BCAS3: variants seen among roughly 807,000 people sequenced by gnomAD.
BCAS3 encodes BCAS3 microtubule associated cell migration factor.
A neutral mutation model predicts 116.1 loss-of-function variants in BCAS3; 53 were observed. That is an observed-to-expected ratio of 0.46 (90% CI 0.37 to 0.57). The LOEUF is 0.57. BCAS3 is among the 20% of genes least tolerant of loss of function. BCAS3 has a pLI of 0.00. For synonymous variants in BCAS3, 391 were observed against 408.2 expected (o/e 0.96, Z 0.51); for missense variants, 917 against 1,165.4 (o/e 0.79, Z 3.10).
rs1457446409 is a variant in BCAS3, at chr17:61,012,341, T to A, written c.1487-3410T>A. Among the ~76,000 whole-genome samples the A allele has an allele frequency of 6.6e-6, 1 of 152,066 alleles. No individual in the cohort carries two copies. Among genetic ancestry groups the A allele is most frequent in the African/African-American group, 2.4e-5 (1 of 41,440 alleles). ...TATGCATCTTTGTTAATGTCTTCTT[T>A]TTCAGTGTCAGTCTTTAAATCTTTG... On this transcript the variant is annotated intron_variant, in intron 15 of 23. Transcript: ENST00000407086. This position sits in a 1 kb window ranked among gnomAD's most constrained non-coding sequence, Gnocchi z 4.5.
At chr17:60,741,197 A>G (rs890203340) in intron 5 of BCAS3, among the ~76,000 whole-genome samples, 1 of 152,042 alleles carries the variant, frequency 6.6e-6, no homozygotes, top group African/African-American at 2.4e-5. Flanking sequence ...AGTTTGCTCT[A>G]TGACGTCATT....
chr17:60,969,683 G>A (rs542494335), intron 14 of BCAS3, among the ~76,000 whole-genome samples: 2 of 152,222 alleles, frequency 1.3e-5, no homozygotes, highest in South Asian at 4.1e-4. Context: ...AAAAAGATAA[G>A]CAAACAACAC....
chr17:60,919,708 A>T (rs2058974080), intron 12 of BCAS3, among the ~76,000 whole-genome samples: 1 of 151,520 alleles, frequency 6.6e-6, no homozygotes, highest in African/African-American at 2.4e-5. Flanking sequence ...AGGTATTTTT[A>T]AATTGGTAAT....
chr17:60,980,816 A>G (rs1486876536), intron 14 of BCAS3, among the ~76,000 whole-genome samples: 1 of 152,056 alleles, frequency 6.6e-6, no homozygotes, highest in Non-Finnish European at 1.5e-5. Flanking sequence ...GATTATAGAC[A>G]GGAGCCACTG....
At chr17:61,024,420 C>A (rs2066084044) in intron 16 of BCAS3, among the ~76,000 whole-genome samples, 1 of 152,090 alleles carries the variant, frequency 6.6e-6, no homozygotes, top group South Asian at 2.1e-4. Flanking sequence ...GCCAGTGAAT[C>A]CTAGTTTGAT....
Position 61,199,077 on chromosome 17 carries a change from C to T in BCAS3, c.2425+114513C>T, listed in dbSNP as rs1308830048. On this transcript the variant is annotated intron_variant, in intron 22 of 23. Coordinates refer to ENST00000407086, the MANE Select transcript of BCAS3 (RefSeq NM_017679.5). This position sits in a 1 kb window ranked among gnomAD's most constrained non-coding sequence, Gnocchi z 4.6. The stretch of plus-strand genomic sequence containing the variant: ...AAGTGTCCAGTAGAGTCTGTCCTTC[C>T]TGAGCTTAGTTAAAGCAATTCTTGT... 6.6e-6 allele frequency among the ~76,000 whole-genome samples: 1 copy of T among 152,164 alleles called. No individual in the cohort carries two copies. Among genetic ancestry groups the T allele is most frequent in the Non-Finnish European group, 1.5e-5 (1 of 68,032 alleles).
chr17:60,931,506 A>G (rs902518982), intron 13 of BCAS3, among the ~76,000 whole-genome samples: 1 of 152,056 alleles, frequency 6.6e-6, no homozygotes, highest in Non-Finnish European at 1.5e-5. Context: ...CAAACTCCTG[A>G]GCTCAGGCAA....
intron 22 of BCAS3, among the ~76,000 whole-genome samples, chr17:61,114,962 C>A (rs1465222870): frequency 6.6e-6 from 1 of 151,958 alleles, no homozygotes; most frequent in Non-Finnish European, 1.5e-5. Flanking sequence ...TGATCTTTGA[C>A]AAATCTGAGA....
At chr17:61,109,388 G>A (rs902231996) in intron 22 of BCAS3, among the ~76,000 whole-genome samples, 1 of 151,248 alleles carries the variant, frequency 6.6e-6, no homozygotes, top group Admixed American at 6.6e-5. Flanking sequence ...TTTTGCAATC[G>A]CAAATTGTGG....
At position 61,140,655 on chromosome 17, in the gene BCAS3, G is replaced by A. The variant is rs2143933837; in HGVS notation, c.2425+56091G>A. Among the ~76,000 whole-genome samples, 1 of 151,696 alleles carries A rather than the reference G, an allele frequency of 6.6e-6. No homozygotes were observed. The highest frequency in any genetic ancestry group is 2.1e-4 in the South Asian group (1 of 4,816). On this transcript the variant is annotated intron_variant, in intron 22 of 23. Coordinates refer to ENST00000407086, the MANE Select transcript of BCAS3 (RefSeq NM_017679.5). The surrounding 1 kb of genome is among the most constrained non-coding windows in gnomAD (Gnocchi z 4.2). ...TTAGTATGGCCTTTATATAACTTTG[G>A]AATGCAAAAGAAAAGAGAAAACTCT...
At chr17:60,849,536 T>C (rs945556293) in intron 7 of BCAS3, among the ~76,000 whole-genome samples, 1 of 152,120 alleles carries the variant, frequency 6.6e-6, no homozygotes, top group Non-Finnish European at 1.5e-5. Flanking sequence ...ATAAGACTTA[T>C]TTTTTCTCCC....
intron 7 of BCAS3, chr17:60,810,678 G>A: frequency 1.5e-6 from 1 of 666,680 alleles, no homozygotes; most frequent in Non-Finnish European, 2.8e-6. Flanking sequence ...ATGAGACAGA[G>A]CTGGCCATGC....
chr17:60,760,666 T>C (rs2043441409), intron 6 of BCAS3, among the ~76,000 whole-genome samples: 1 of 152,136 alleles, frequency 6.6e-6, no homozygotes, highest in Non-Finnish European at 1.5e-5. Flanking sequence ...GGCTATAGTT[T>C]GACTATAAAG....
rs2071641461 is a variant in BCAS3, at chr17:61,073,575, A to G, written c.2030-1345A>G. Among the ~76,000 whole-genome samples the G allele has an allele frequency of 6.6e-6, 1 of 152,142 alleles. No individual in the cohort carries two copies. Among genetic ancestry groups the G allele is most frequent in the South Asian group, 2.1e-4 (1 of 4,828 alleles). The stretch of plus-strand genomic sequence containing the variant: ...TCTGGGAACATATATTAAGAAATTT[A>G]TATATTTACATCCTCTGATTTCATA... On this transcript the variant is annotated intron_variant, in intron 19 of 23. Transcript: ENST00000407086. The surrounding 1 kb of genome is among the most constrained non-coding windows in gnomAD (Gnocchi z 4.6).
intron 8 of BCAS3, among the ~76,000 whole-genome samples, chr17:60,873,899 T>C (rs988362120): frequency 6.6e-6 from 1 of 152,172 alleles, no homozygotes; most frequent in African/African-American, 2.4e-5. Flanking sequence ...AGACAGGATC[T>C]CACTATGTTG....
intron 14 of BCAS3, among the ~76,000 whole-genome samples, chr17:60,951,892 C>G (rs905676769): frequency 6.6e-6 from 1 of 151,436 alleles, no homozygotes; most frequent in African/African-American, 2.4e-5. Context: ...TGCCTCAGCA[C>G]CCCTGAGTAG....
chr17:61,105,151 T>TA lies in BCAS3; in HGVS notation c.2425+20588dup, dbSNP rs1213400639. ...GGGTGCTATTTAAATATTCTCTACTTACATTTATTGAAAACTACCCTGCCG... is the reference window on the plus strand; with the variant it reads ...GGGTGCTATTTAAATATTCTCTACTTAACATTTATTGAAAACTACCCTGCCG... On this transcript the variant is annotated intron_variant, in intron 22 of 23. Coordinates refer to ENST00000407086, the MANE Select transcript of BCAS3 (RefSeq NM_017679.5). This position sits in a 1 kb window ranked among gnomAD's most constrained non-coding sequence, Gnocchi z 4.3. Among the ~76,000 whole-genome samples the TA allele has an allele frequency of 2.6e-5, 4 of 152,194 alleles. No individual in the cohort carries two copies. Among genetic ancestry groups the TA allele is most frequent in the African/African-American group, 9.7e-5 (4 of 41,444 alleles).
In BCAS3 at chr17:61,023,628, T is replaced by C. The variant is rs1425693323; in HGVS notation, c.1637+7727T>C. Among the ~76,000 whole-genome samples the C allele has an allele frequency of 6.6e-6, 1 of 152,186 alleles. No homozygotes were observed. Among genetic ancestry groups the C allele is most frequent in the African/African-American group, 2.4e-5 (1 of 41,454 alleles). On this transcript the variant is annotated intron_variant, in intron 16 of 23. Transcript: ENST00000407086. The surrounding 1 kb of genome is among the most constrained non-coding windows in gnomAD (Gnocchi z 4.8). ...TAAGATTGAAGACTTTGTGGCACCA[T>C]GTGGCATTCAACAAAATGAATCAGT...
At chr17:61,064,457 G>A (rs2070396609) in intron 19 of BCAS3, among the ~76,000 whole-genome samples, 1 of 152,070 alleles carries the variant, frequency 6.6e-6, no homozygotes, top group Admixed American at 6.5e-5. Context: ...ACTAAATTGT[G>A]AGCCCAGCCA....
Sources: allele counts gnomAD v4.1 joint callset (sites outside exome capture counted in the v4.1 genomes callset), GRCh38; gene constraint gnomAD v4.1.1; non-coding constraint Gnocchi (gnomAD v3.1); transcripts MANE v1.5; gene names NCBI Gene and HGNC (gene_info 2026-07-23, HGNC 2026-07-21).